The following LIN7A variants were observed in gnomAD, a reference collection of about 807,000 sequenced individuals.
LIN7A encodes the protein protein lin-7 homolog A.
In LIN7A, 25 loss-of-function variants were observed where a neutral mutation model predicts 29.8. That is an observed-to-expected ratio of 0.84 (90% confidence interval 0.61 to 1.17). The LOEUF (loss-of-function observed/expected upper bound fraction) is 1.17, where lower values mean the gene tolerates loss of function less well. Ranked by LOEUF, LIN7A falls within the 50% of genes most tolerant of loss-of-function variation. The pLI is 0.00. For missense variants in LIN7A, 239 were observed against 287.0 expected (o/e 0.83, Z 1.21); for synonymous variants, 118 against 107.5 (o/e 1.10, Z -0.60).
chr12:80,925,819 C>T (rs947406632), intron 1 of LIN7A, among the ~76,000 whole-genome samples: 1 of 152,184 alleles, frequency 6.6e-6, no homozygotes, highest in Non-Finnish European at 1.5e-5. Flanking sequence ...TAAAATGTCA[C>T]TTTACAGTTT....
At chr12:80,876,948 C>G (rs1260056160) in intron 2 of LIN7A, among the ~76,000 whole-genome samples, 1 of 151,698 alleles carries the variant, frequency 6.6e-6, no homozygotes, top group African/African-American at 2.4e-5. Context: ...ATGATGAAAC[C>G]CCGTCTCTAC....
chr12:80,926,083 T>TTCCAGAATC (rs1332935471), intron 1 of LIN7A, among the ~76,000 whole-genome samples: 1 of 152,210 alleles, frequency 6.6e-6, no homozygotes, highest in African/African-American at 2.4e-5. Context: ...TGGAGAGCCC[T>TTCCAGAATC]TCCAGAATCT....
intron 2 of LIN7A, among the ~76,000 whole-genome samples, chr12:80,864,720 A>AT (rs1220755554): frequency 2.6e-5 from 4 of 152,198 alleles, no homozygotes; most frequent in African/African-American, 9.7e-5. Context: ...AAAACGCAAC[A>AT]TTTTTTAATG....
At chr12:80,812,764 T>C (rs1374823403) in intron 4 of LIN7A, among the ~76,000 whole-genome samples, 1 of 152,082 alleles carries the variant, frequency 6.6e-6, no homozygotes, top group Non-Finnish European at 1.5e-5. Context: ...TTGGCCAGGC[T>C]GGTCTTGAAC....
chr12:80,822,871 C>T (rs1022420857), intron 4 of LIN7A, among the ~76,000 whole-genome samples: 4 of 152,094 alleles, frequency 2.6e-5, no homozygotes, highest in African/African-American at 9.7e-5. Flanking sequence ...GAAGCCCCAC[C>T]TTCAAGCCAG....
chr12:80,874,027 G>A (rs960996085), intron 2 of LIN7A, among the ~76,000 whole-genome samples: 7 of 152,014 alleles, frequency 4.6e-5, no homozygotes, highest in South Asian at 2.1e-4. Context: ...AGTAGGATAC[G>A]TCTGAGATGT....
At chr12:80,931,302 A>G (rs1358790120) in intron 1 of LIN7A, among the ~76,000 whole-genome samples, 3 of 152,204 alleles carry the variant, frequency 2.0e-5, no homozygotes, top group Admixed American at 1.3e-4. Context: ...TGTAACCAAA[A>G]TGCTTTAGAG....
intron 4 of LIN7A, among the ~76,000 whole-genome samples, chr12:80,829,068 G>A (rs563417177): frequency 6.6e-6 from 1 of 151,980 alleles, no homozygotes; most frequent in Non-Finnish European, 1.5e-5. Context: ...TGAGAGGAAA[G>A]GTCATTCTAG....
At chr12:80,850,110 C>T (rs1351914541) in intron 2 of LIN7A, among the ~76,000 whole-genome samples, 1 of 152,038 alleles carries the variant, frequency 6.6e-6, no homozygotes, top group Non-Finnish European at 1.5e-5. Context: ...AATAATTAGC[C>T]TTAAGACCCC....
At position 80,937,785 on chromosome 12, in the gene LIN7A, G is replaced by A. The variant is rs1366615992; in HGVS notation, c.-63C>T. The A allele has an allele frequency of 1.0e-4, 70 of 682,686 alleles. No homozygotes were observed. Among genetic ancestry groups the A allele is most frequent in the Middle Eastern group, 3.4e-4 (1 of 2,922 alleles). The allele number at this position is 682,686 out of a possible 1,614,324, so 42.3% of individuals were successfully genotyped here. On this transcript the variant is annotated 5_prime_UTR_variant, in exon 1 of 6. Coordinates refer to ENST00000552864, the MANE Select transcript of LIN7A (RefSeq NM_004664.4). ...GGGGGCGGGGGTGGAGAGGGAAGAC[G>A]GAAAGGAGGGGGAGGAGGGGGAAGG...
At position 80,937,766 on chromosome 12, in the gene LIN7A, G is replaced by A; in HGVS notation, c.-44C>T. ...AGAAAAAAAGGAGGAGATTGGGGGC[G>A]GGGGTGGAGAGGGAAGACGGAAAGG... On this transcript the variant is annotated 5_prime_UTR_variant, in exon 1 of 6. Transcript: ENST00000552864. 2.4e-6 allele frequency: 3 copies of A among 1,244,486 alleles called. No homozygotes were observed. Among genetic ancestry groups the A allele is most frequent in the South Asian group, 1.8e-5 (1 of 56,968 alleles). 77.1% of individuals were successfully genotyped at this position (1,244,486 alleles called of 1,614,324 possible).
In LIN7A at chr12:80,793,102, T is replaced by C. The variant is rs1019448681; in HGVS notation, c.*4625A>G. On this transcript the variant is annotated 3_prime_UTR_variant, in exon 6 of 6. Transcript: ENST00000552864. Reference sequence around the variant, plus strand: ...ACAGATAATGATTAGACACATGAACTCTTGTGTCAGATTGCATGGGTTCAA... The same window carrying C: ...ACAGATAATGATTAGACACATGAACCCTTGTGTCAGATTGCATGGGTTCAA... 1 of 152,174 alleles carries C rather than the reference T, an allele frequency of 6.6e-6. No homozygotes were observed. The highest frequency in any genetic ancestry group is 2.4e-5 in the African/African-American group (1 of 41,448). The allele number at this position is 152,174 out of a possible 1,614,324, so 9.4% of individuals were successfully genotyped here. A position where few individuals can be genotyped will look rare whatever the true frequency, so the allele number is the denominator to read the frequency against.
rs761976115 is a variant in LIN7A, at chr12:80,937,689, C to T, written c.34G>A (p.Ala12Thr). The change falls in exon 1 of 6, where the codon GCA becomes ACA. Residue 12 changes from alanine (A) to threonine (T), a missense_variant. Coordinates refer to ENST00000552864, the MANE Select transcript of LIN7A (RefSeq NM_004664.4). ...ACCACTGTCAATGTCGCCATGTCTG[C>T]CGTGGGAGCCGAAGTGACGCTCGGC... ...LKPSVTSAPT[A>T]DMATLTVVQP... 1.9e-6 allele frequency: 3 copies of T among 1,555,350 alleles called. No homozygotes were observed. Among genetic ancestry groups the T allele is most frequent in the African/African-American group, 2.8e-5 (2 of 72,334 alleles).
At chr12:80,890,929 G>GATGCC (rs1250112110) in intron 1 of LIN7A, among the ~76,000 whole-genome samples, 1 of 152,048 alleles carries the variant, frequency 6.6e-6, no homozygotes, top group Non-Finnish European at 1.5e-5. Flanking sequence ...ATTCTACCTA[G>GATGCC]ATGCCCATGG....
chr12:80,807,469 G>A (rs375696246), intron 5 of LIN7A, among the ~76,000 whole-genome samples: 25 of 150,078 alleles, frequency 1.7e-4, no homozygotes, highest in African/African-American at 5.8e-4. Flanking sequence ...TTTTAAAGAT[G>A]ATTGAATGAG....
chr12:80,870,601 A>G (rs561322431), intron 2 of LIN7A, among the ~76,000 whole-genome samples: 1 of 152,198 alleles, frequency 6.6e-6, no homozygotes, highest in Non-Finnish European at 1.5e-5. Flanking sequence ...ACACTAAATC[A>G]TAACTTCCAT....
intron 1 of LIN7A, among the ~76,000 whole-genome samples, chr12:80,933,157 C>G (rs1303022070): frequency 6.6e-6 from 1 of 152,148 alleles, no homozygotes; most frequent in African/African-American, 2.4e-5. Flanking sequence ...TTACAGTGCT[C>G]AGTATATTTC....
At chr12:80,911,077 C>A (rs1388558236) in intron 1 of LIN7A, among the ~76,000 whole-genome samples, 1 of 151,904 alleles carries the variant, frequency 6.6e-6, no homozygotes, top group East Asian at 1.9e-4. Flanking sequence ...TATATTTATT[C>A]CTTTGTTGAG....
At position 80,933,849 on chromosome 12, in the gene LIN7A, T is replaced by C. The variant is rs138297351; in HGVS notation, c.82+3792A>G. ...AGCCCCCATTTATAGCACTCTCCTT[T>C]ACCCAGTTTTATTTCTTCTCCTTGG... On this transcript the variant is annotated intron_variant, in intron 1 of 5. Transcript: ENST00000552864. Among the ~76,000 whole-genome samples, 711 of 152,208 alleles carry C rather than the reference T, an allele frequency of 4.7e-3. 2 individuals carry two copies. Among genetic ancestry groups the C allele is most frequent in the Middle Eastern group, 0.01 (3 of 294 alleles).
Sources: allele counts gnomAD v4.1 joint callset (sites outside exome capture counted in the v4.1 genomes callset), GRCh38; gene constraint gnomAD v4.1.1; transcripts MANE v1.5; gene names NCBI Gene and HGNC (gene_info 2026-07-23, HGNC 2026-07-21).